LARGE1: variants seen among roughly 807,000 people sequenced by gnomAD.
LARGE1 encodes xylosyl- and glucuronyltransferase LARGE1.
A neutral mutation model predicts 87.6 loss-of-function variants in LARGE1; 43 were observed. The observed-to-expected ratio is 0.49, with a 90% CI of 0.38 to 0.63. The LOEUF (loss-of-function observed/expected upper bound fraction) is 0.63. LARGE1 is among the 30% of genes least tolerant of loss of function. The pLI is 0.00. For missense variants in LARGE1, 802 were observed against 1,000.2 expected, an observed-to-expected ratio of 0.80 and a Z score of 2.67; for synonymous variants, 434 against 394.6, an observed-to-expected ratio of 1.10 and a Z score of -1.18.
At chr22:33,346,273 T>C (rs1385251080) in intron 9 of LARGE1, among the ~76,000 whole-genome samples, 5 of 144,330 alleles carry the variant, frequency 3.5e-5, no homozygotes, top group Admixed American at 7.1e-5. Context: ...CTCTCTCTCT[T>C]TCTTTCCTCC....
At chr22:33,242,764 A>G (rs997244513) in intron 11 of LARGE1, among the ~76,000 whole-genome samples, 13 of 152,166 alleles carry the variant, frequency 8.5e-5, no homozygotes, top group African/African-American at 2.4e-4. Flanking sequence ...TCAACAGAAA[A>G]GTATTGTCTC....
At chr22:33,335,894 G>A (rs1397530821) in intron 10 of LARGE1, among the ~76,000 whole-genome samples, 1 of 152,192 alleles carries the variant, frequency 6.6e-6, no homozygotes, top group Non-Finnish European at 1.5e-5. Flanking sequence ...AGTTGCCACT[G>A]GCTGATCATT....
chr22:33,560,224 G>C (rs935016294), intron 6 of LARGE1, among the ~76,000 whole-genome samples: 1 of 152,166 alleles, frequency 6.6e-6, no homozygotes, highest in African/African-American at 2.4e-5. Context: ...AGGGTTGTGA[G>C]GATTAAATGA....
At chr22:33,554,472 T>C (rs903747925) in intron 6 of LARGE1, among the ~76,000 whole-genome samples, 1 of 152,134 alleles carries the variant, frequency 6.6e-6, no homozygotes, top group Admixed American at 6.5e-5. Flanking sequence ...GCCCCGACCC[T>C]TCTTGTAAGA....
chr22:33,550,216 G>T lies in LARGE1; in HGVS notation c.787+14632C>A, dbSNP rs570752722. 6.6e-5 allele frequency among the ~76,000 whole-genome samples: 10 copies of T among 151,840 alleles called. No homozygotes were observed. The South Asian group carries it at 2.1e-3, about 32-fold the overall frequency. On this transcript the variant is annotated intron_variant, in intron 6 of 14. Coordinates refer to ENST00000397394, the MANE Select transcript of LARGE1 (RefSeq NM_133642.5). ...ATGTATGTATATATATATAGAAGTT[G>T]TGGAAGGTTTAGATTTCATTTCTTG...
chr22:33,384,118 TA>T, intron 8 of LARGE1, 73 bp downstream of exon 8: 2 of 1,042,866 alleles, frequency 1.9e-6, no homozygotes, highest in Admixed American at 1.7e-5. Context: ...CAGATCGATT[TA>T]ATTTTAAGTT....
chr22:33,502,670 G>A (rs1273092753), intron 6 of LARGE1, among the ~76,000 whole-genome samples: 2 of 152,046 alleles, frequency 1.3e-5, no homozygotes, highest in African/African-American at 2.4e-5. Context: ...CAGGGTCCAC[G>A]CCATCCTCCT....
At chr22:33,745,405 C>T (rs1258774881) in intron 2 of LARGE1, among the ~76,000 whole-genome samples, 3 of 152,052 alleles carry the variant, frequency 2.0e-5, no homozygotes, top group Non-Finnish European at 4.4e-5. Flanking sequence ...GAAATTAAGC[C>T]GTGGGTGAGG....
At chr22:33,626,870 G>C (rs1300030495) in intron 3 of LARGE1, among the ~76,000 whole-genome samples, 1 of 152,200 alleles carries the variant, frequency 6.6e-6, no homozygotes, top group East Asian at 1.9e-4. Context: ...AACCCAAGGG[G>C]TCATCTCAAC....
At chr22:33,742,268 A>T (rs2083913267) in intron 2 of LARGE1, among the ~76,000 whole-genome samples, 1 of 152,204 alleles carries the variant, frequency 6.6e-6, no homozygotes, top group African/African-American at 2.4e-5. Flanking sequence ...GGTTGTGAGG[A>T]TGGAATGAGT....
chr22:33,800,031 T>G lies in LARGE1; in HGVS notation c.-82-38473A>C, dbSNP rs75800790. 4.5e-3 allele frequency among the ~76,000 whole-genome samples: 691 copies of G among 152,236 alleles called. 3 individuals carry two copies. The highest frequency in any genetic ancestry group is 0.015 in the African/African-American group (634 of 41,566). On this transcript the variant is annotated intron_variant, in intron 1 of 14. Transcript: ENST00000397394. ...ATGGCTTGCTTTAATTTTTAAGACATCTAAGCTAAGCTTCATTTAAGACAT... is the reference window on the plus strand; with the variant it reads ...ATGGCTTGCTTTAATTTTTAAGACAGCTAAGCTAAGCTTCATTTAAGACAT...
chr22:33,882,547 C>T (rs554133012), intron 1 of LARGE1, among the ~76,000 whole-genome samples: 1 of 152,244 alleles, frequency 6.6e-6, no homozygotes, highest in South Asian at 2.1e-4. Context: ...AGGAAAAACA[C>T]CAAAGATGAA....
intron 12 of LARGE1, among the ~76,000 whole-genome samples, chr22:33,291,687 T>TAA (rs796078466): frequency 1.4e-5 from 2 of 143,966 alleles, no homozygotes; most frequent in African/African-American, 5.1e-5. Flanking sequence ...ACATAATGAT[T>TAA]AAAAAAAAAA....
At chr22:33,357,584 C>T (rs763692197) in intron 9 of LARGE1, among the ~76,000 whole-genome samples, 3 of 152,208 alleles carry the variant, frequency 2.0e-5, no homozygotes, top group South Asian at 2.1e-4. Context: ...CACCTGAGGT[C>T]GGGAGTTTGA....
At chr22:33,156,724 G>T in the LARGE1 span, among the ~76,000 whole-genome samples, 1 of 152,100 alleles carries the variant, frequency 6.6e-6, no homozygotes, top group African/African-American at 2.4e-5. Flanking sequence ...GGCATGATTG[G>T]TTTTGAAATG....
intron 11 of LARGE1, among the ~76,000 whole-genome samples, chr22:33,223,580 T>C (rs1277232744): frequency 6.6e-6 from 1 of 152,098 alleles, no homozygotes; most frequent in Non-Finnish European, 1.5e-5. Flanking sequence ...TAAGTGATGG[T>C]TCTTATACCA....
rs910195773 is a variant in LARGE1, at chr22:33,761,652, G to A, written c.-82-94C>T. ...AAATATCTCATAGATCCTGAAAGGG[G>A]TTCAACTGATCTAGGCTTCCTGCTA... is the stretch of plus-strand genomic sequence containing the variant. On this transcript the variant is annotated intron_variant, in intron 1 of 14. Coordinates refer to ENST00000397394, the MANE Select transcript of LARGE1 (RefSeq NM_133642.5). 3 of 659,112 alleles carry A rather than the reference G, an allele frequency of 4.6e-6. No homozygotes were observed. The African/African-American group carries it at 5.4e-5, about 12-fold the overall frequency. 40.8% of individuals were successfully genotyped at this position (659,112 alleles called of 1,614,324 possible).
chr22:33,118,042 G>A, the LARGE1 span, among the ~76,000 whole-genome samples: 1 of 152,142 alleles, frequency 6.6e-6, no homozygotes, highest in Non-Finnish European at 1.5e-5. Context: ...TCAAATCTGA[G>A]GATGCACCAA....
intron 9 of LARGE1, among the ~76,000 whole-genome samples, chr22:33,344,142 C>CT (rs1490474588): frequency 5.9e-5 from 9 of 152,232 alleles, no homozygotes; most frequent in Admixed American, 1.3e-4. Flanking sequence ...ATGTTAATCT[C>CT]TTTTGGCAAT....
Sources: gnomAD v4.1 joint callset for allele counts (sites outside exome capture counted in the v4.1 genomes callset) on GRCh38, gnomAD v4.1.1 for gene constraint, MANE v1.5 for transcripts, NCBI Gene and HGNC (gene_info 2026-07-23, HGNC 2026-07-21) for gene names.